Variants in RASSF2 observed in about 807,000 individuals in gnomAD.
The protein encoded by RASSF2 is Ras association domain family member 2, also known as ras association domain-containing protein 2.
A neutral mutation model predicts 46.3 loss-of-function variants in RASSF2; 34 were observed. The ratio of observed to expected loss-of-function variants is 0.73; its 90% CI spans 0.56 to 0.98. The LOEUF is 0.98. RASSF2 is among the 50% of genes least tolerant of loss of function. RASSF2 has a pLI of 0.00. For synonymous variants in RASSF2, 158 were observed against 162.5 expected (o/e 0.97, Z 0.21); for missense variants, 364 against 431.2 (o/e 0.84, Z 1.38).
chr20:4,808,295 G>A (rs1012952232), intron 2 of RASSF2, among the ~76,000 whole-genome samples: 6 of 152,080 alleles, frequency 3.9e-5, no homozygotes, highest in East Asian at 3.9e-4. Context: ...GACTTCCCAC[G>A]GGGCCTTGGG....
At chr20:4,800,900 C>T in intron 3 of RASSF2, 72 bp downstream of exon 3, 1 of 1,327,156 alleles carries the variant, frequency 7.5e-7, no homozygotes, top group Non-Finnish European at 1.1e-6. Flanking sequence ...CTGCCAGCGG[C>T]TGCCGTCCAC....
At chr20:4,808,486 C>CTTTTT (rs11431404) in intron 2 of RASSF2, among the ~76,000 whole-genome samples, 249 of 131,630 alleles carry the variant, frequency 1.9e-3, no homozygotes, top group African/African-American at 6.5e-3. Flanking sequence ...TTACACAAAT[C>CTTTTT]TTTTTTTTTT....
rs116054171 is a variant in RASSF2 at position 4,783,994 on chromosome 20, C to T, written c.*279G>A. On this transcript the variant is annotated 3_prime_UTR_variant, in exon 12 of 12. Transcript: ENST00000379400. ...AAAGTATCAGGTAGGCACATGGACA[C>T]GTACCATGTGTGCACACACATGTAC... is the stretch of plus-strand genomic sequence containing the variant. 1,198 of 429,612 alleles carry T rather than the reference C, an allele frequency of 2.8e-3. 14 individuals carry two copies. The highest frequency in any genetic ancestry group is 0.022 in the African/African-American group (1,101 of 51,012). The allele number at this position is 429,612 out of a possible 1,614,324, so 26.6% of individuals were successfully genotyped here. A position where few individuals can be genotyped will look rare whatever the true frequency, so the allele number is the denominator to read the frequency against.
chr20:4,808,575 C>T (rs1927532605), intron 2 of RASSF2, among the ~76,000 whole-genome samples: 2 of 150,978 alleles, frequency 1.3e-5, no homozygotes, highest in Non-Finnish European at 2.9e-5. Context: ...CAGCCTTGAC[C>T]TCTTGGGCTC....
chr20:4,821,360 T>G (rs1885310), intron 2 of RASSF2, among the ~76,000 whole-genome samples: 122,806 of 151,944 alleles, frequency 0.81, 49,942 homozygotes, highest in East Asian at 0.93. Flanking sequence ...GGGGATGATG[T>G]GGCTGCAGAT....
intron 2 of RASSF2, among the ~76,000 whole-genome samples, chr20:4,816,247 A>T (rs1427655574): frequency 2.6e-5 from 4 of 152,208 alleles, no homozygotes; most frequent in Non-Finnish European, 4.4e-5. Context: ...CGGAAGCTGC[A>T]GTCAGCCATG....
At chr20:4,798,112 A>G in intron 3 of RASSF2, 27 bp from the exon 4 acceptor site, 1 of 1,612,302 alleles carries the variant, frequency 6.2e-7, no homozygotes, top group Non-Finnish European at 8.5e-7. Flanking sequence ...GAAGAGATAT[A>G]ACATTATCAG....
intron 2 of RASSF2, among the ~76,000 whole-genome samples, chr20:4,814,508 C>T (rs961767807): frequency 2.0e-5 from 3 of 152,170 alleles, no homozygotes; most frequent in Non-Finnish European, 4.4e-5. Flanking sequence ...CTCTACTCGC[C>T]ACCTGGGGAC....
intron 2 of RASSF2, among the ~76,000 whole-genome samples, chr20:4,809,350 G>GC (rs1460851118): frequency 6.6e-6 from 1 of 152,006 alleles, no homozygotes; most frequent in African/African-American, 2.4e-5. Context: ...CTGTGAGTGT[G>GC]CCCATGCTCC....
chr20:4,798,221 C>T, intron 3 of RASSF2, 136 bp from the exon 4 acceptor site: 1 of 1,324,430 alleles, frequency 7.6e-7, no homozygotes, highest in African/African-American at 1.5e-5. Flanking sequence ...TACATACACA[C>T]ACATGCACAT....
In RASSF2 at chr20:4,812,581, C is replaced by A. The variant is rs1201744436; in HGVS notation, c.-33+9748G>T. ...ATCTCTCCGAGGGCTCGTTAAAATA[C>A]AGATTGCAGGTCCCTTTGCCCCAGT... On this transcript the variant is annotated intron_variant, in intron 2 of 11. Transcript: ENST00000379400. This position sits in a 1 kb window ranked among gnomAD's most constrained non-coding sequence, Gnocchi z 4.0. 6.6e-6 allele frequency among the ~76,000 whole-genome samples: 1 copy of A among 152,246 alleles called. No homozygotes were observed. The highest frequency in any genetic ancestry group is 1.5e-5 in the Non-Finnish European group (1 of 68,048).
intron 3 of RASSF2, among the ~76,000 whole-genome samples, chr20:4,799,921 G>A (rs879647590): frequency 3.3e-5 from 5 of 152,168 alleles, no homozygotes; most frequent in Non-Finnish European, 5.9e-5. Context: ...AGACCAGCCC[G>A]ACCAACATGG....
intron 4 of RASSF2, among the ~76,000 whole-genome samples, chr20:4,797,641 C>G (rs1438061267): frequency 6.6e-6 from 1 of 152,020 alleles, no homozygotes; most frequent in Non-Finnish European, 1.5e-5. Flanking sequence ...GACTTGGGCC[C>G]AAATGTTTAA....
intron 2 of RASSF2, among the ~76,000 whole-genome samples, chr20:4,809,766 G>A (rs368941298): frequency 1.3e-5 from 2 of 152,158 alleles, no homozygotes; most frequent in East Asian, 1.9e-4. Context: ...GAGGCAGGAC[G>A]GGGGCAGTGG....
At chr20:4,813,942 C>T (rs1412897080) in intron 2 of RASSF2, among the ~76,000 whole-genome samples, 1 of 152,112 alleles carries the variant, frequency 6.6e-6, no homozygotes, top group Non-Finnish European at 1.5e-5. Context: ...AAGACATAGT[C>T]CCTCGTGGGC....
rs1885305 is a variant in RASSF2 at position 4,815,057 on chromosome 20, T to C, written c.-33+7272A>G. ...CTGAGCGCCCTCCCAGACTCACGCT[T>C]TTACCAACTCACTGGAGGAGCCGTG... On this transcript the variant is annotated intron_variant, in intron 2 of 11. Transcript: ENST00000379400. 139,637 of 152,308 alleles carry C rather than the reference T, an allele frequency of 0.92. 64,108 individuals carry two copies. The highest frequency in any genetic ancestry group is 0.96 in the African/African-American group (40,096 of 41,558). The allele number at this position is 152,308 out of a possible 1,614,324, so 9.4% of individuals were successfully genotyped here. A position where few individuals can be genotyped will look rare whatever the true frequency, so the allele number is the denominator to read the frequency against.
intron 8 of RASSF2, among the ~76,000 whole-genome samples, chr20:4,788,537 G>A (rs2422987): frequency 0.78 from 119,033 of 152,010 alleles, 46,880 homozygotes; most frequent in East Asian, 0.96. Context: ...CATAGAGTGT[G>A]CTTACAGAAA....
intron 5 of RASSF2, 140 bp from the exon 6 acceptor site, chr20:4,792,767 T>C: frequency 6.9e-7 from 1 of 1,449,168 alleles, no homozygotes; most frequent in Non-Finnish European, 9.1e-7. Flanking sequence ...CATCAGGTGA[T>C]GAAGGGTGCA....
intron 1 of RASSF2, among the ~76,000 whole-genome samples, chr20:4,823,322 C>A (rs1009966279): frequency 2.8e-4 from 42 of 152,200 alleles, no homozygotes; most frequent in African/African-American, 9.6e-4. Context: ...TGCCTTCACC[C>A]CGGGCCAGCT....
Sources: gnomAD v4.1 joint callset for allele counts (sites outside exome capture counted in the v4.1 genomes callset) on GRCh38, gnomAD v4.1.1 for gene constraint, Gnocchi (gnomAD v3.1) non-coding constraint, MANE v1.5 for transcripts, NCBI Gene and HGNC (gene_info 2026-07-23, HGNC 2026-07-21) for gene names.